The following LARP4B variants were observed in gnomAD, a reference collection of about 807,000 sequenced individuals.
LARP4B encodes la-related protein 4B.
LARP4B carries 12 observed loss-of-function variants against 89.8 expected under a neutral mutation model. The ratio of observed to expected loss-of-function variants is 0.13; its 90% confidence interval spans 0.09 to 0.22. The LOEUF (loss-of-function observed/expected upper bound fraction) is 0.22. LARP4B is among the 10% of genes least tolerant of loss of function. The pLI is 1.00. For missense variants in LARP4B, 757 were observed against 947.7 expected (o/e 0.80, Z 2.64); for synonymous variants, 367 against 363.3 (o/e 1.01, Z -0.12).
At chr10:977,142 A>T in the LARP4B span, among the ~76,000 whole-genome samples, 1 of 151,850 alleles carries the variant, frequency 6.6e-6, no homozygotes, top group Non-Finnish European at 1.5e-5. Context: ...AATTTATTTT[A>T]TTTATTTATT....
chr10:850,825 A>G (rs1416065825), intron 5 of LARP4B, among the ~76,000 whole-genome samples: 4 of 152,200 alleles, frequency 2.6e-5, no homozygotes, highest in Admixed American at 2.6e-4. Flanking sequence ...ATCCCTGGAA[A>G]ACCCCCAAAT....
chr10:847,262 C>T (rs1054692483), intron 5 of LARP4B, among the ~76,000 whole-genome samples: 8 of 152,080 alleles, frequency 5.3e-5, no homozygotes, highest in African/African-American at 1.7e-4. Context: ...ATGCAAGAAA[C>T]ACCCGGCACT....
chr10:864,678 G>A (rs890316734), intron 3 of LARP4B, among the ~76,000 whole-genome samples: 3 of 152,238 alleles, frequency 2.0e-5, no homozygotes, highest in African/African-American at 7.2e-5. Context: ...AGTCAGCAGG[G>A]CGCGGCGGCT....
chr10:900,084 G>A (rs1267930307), intron 1 of LARP4B, among the ~76,000 whole-genome samples: 1 of 151,986 alleles, frequency 6.6e-6, no homozygotes, highest in Non-Finnish European at 1.5e-5. Context: ...AGTGGCTCAC[G>A]CCTATAATCC....
chr10:981,005 C>T, the LARP4B span, among the ~76,000 whole-genome samples: 1 of 152,228 alleles, frequency 6.6e-6, no homozygotes, highest in Non-Finnish European at 1.5e-5. Flanking sequence ...TTAGAATTAG[C>T]CAGGCTATCT....
chr10:843,591 C>A (rs756860632), intron 6 of LARP4B, among the ~76,000 whole-genome samples: 1 of 151,872 alleles, frequency 6.6e-6, no homozygotes, highest in African/African-American at 2.4e-5. Flanking sequence ...CCCAGCTACT[C>A]GGGAGGCTCA....
intron 3 of LARP4B, chr10:869,945 ATAATAAATT>A: frequency 5.5e-6 from 1 of 183,160 alleles, no homozygotes. Context: ...AATAATAATA[ATAATAAATT>A]AAAATGTATA....
In LARP4B at chr10:825,033, T is replaced by C. The variant is rs186064987; in HGVS notation, c.1484+32A>G. ...AAATAATTTTTAAAATATTAGTTTA[T>C]GATGTTACACAGTAACTGCTCAACA... On this transcript the variant is annotated intron_variant, in intron 13 of 17. Transcript: ENST00000316157. 7.3e-5 allele frequency: 115 copies of C among 1,565,048 alleles called. No homozygotes were observed. The African/African-American group carries it at 1.3e-3, about 18-fold the overall frequency.
chr10:821,363 A>G (rs1832342420), intron 13 of LARP4B, among the ~76,000 whole-genome samples: 1 of 152,100 alleles, frequency 6.6e-6, no homozygotes, highest in East Asian at 1.9e-4. Flanking sequence ...CCACACAAGG[A>G]CCTCTGTGCC....
At chr10:856,513 C>T (rs1050703792) in intron 5 of LARP4B, among the ~76,000 whole-genome samples, 3 of 152,156 alleles carry the variant, frequency 2.0e-5, no homozygotes, top group East Asian at 1.9e-4. Flanking sequence ...AATAGAGAAG[C>T]GATCACAACA....
At chr10:884,679 C>G (rs1282072215) in intron 2 of LARP4B, among the ~76,000 whole-genome samples, 173 bp from the exon 3 acceptor site, 1 of 151,974 alleles carries the variant, frequency 6.6e-6, no homozygotes, top group Non-Finnish European at 1.5e-5. Context: ...TTTTTAAATT[C>G]TGAATGAACA....
chr10:844,351 C>T (rs576279959), intron 6 of LARP4B, among the ~76,000 whole-genome samples: 3 of 152,314 alleles, frequency 2.0e-5, no homozygotes, highest in South Asian at 2.1e-4. Flanking sequence ...CAGCAGAGCC[C>T]CTCACACCTC....
At chr10:897,981 C>A (rs1268848083) in intron 1 of LARP4B, among the ~76,000 whole-genome samples, 1 of 119,326 alleles carries the variant, frequency 8.4e-6, no homozygotes, top group African/African-American at 3.3e-5. Context: ...AAGCGAGGCT[C>A]CATCTCAAAA....
intron 13 of LARP4B, 143 bp downstream of exon 13, chr10:824,922 G>A: frequency 1.3e-6 from 1 of 792,386 alleles, no homozygotes. Context: ...TTAAGTCTTA[G>A]CAATTATATA....
At chr10:883,549 TA>T (rs1182031206) in intron 3 of LARP4B, among the ~76,000 whole-genome samples, 2 of 151,856 alleles carry the variant, frequency 1.3e-5, no homozygotes, top group Non-Finnish European at 2.9e-5. Context: ...AAAATCAATG[TA>T]AAACAGAATA....
intron 13 of LARP4B, among the ~76,000 whole-genome samples, chr10:824,228 C>T (rs555725130): frequency 4.1e-4 from 62 of 152,320 alleles, no homozygotes; most frequent in African/African-American, 1.5e-3. Flanking sequence ...TGCGGTGGCT[C>T]ATGCCTGTAA....
chr10:929,248 AC>A (rs1350721543), intron 1 of LARP4B, among the ~76,000 whole-genome samples: 1 of 152,182 alleles, frequency 6.6e-6, no homozygotes, highest in Non-Finnish European at 1.5e-5. Context: ...AAAAACAAAA[AC>A]AAAAACAAAA....
At chr10:861,186 G>C (rs763205032) in intron 5 of LARP4B, among the ~76,000 whole-genome samples, 1 of 152,126 alleles carries the variant, frequency 6.6e-6, no homozygotes, top group African/African-American at 2.4e-5. Context: ...CCGGTTCCAC[G>C]GAGAAAGGAG....
the LARP4B span, among the ~76,000 whole-genome samples, chr10:978,325 T>C: frequency 6.6e-6 from 1 of 152,192 alleles, no homozygotes; most frequent in Non-Finnish European, 1.5e-5. Context: ...GTAAGTCAAT[T>C]TTCGCATTCT....
Sources: allele counts gnomAD v4.1 joint callset (sites outside exome capture counted in the v4.1 genomes callset), GRCh38; gene constraint gnomAD v4.1.1; transcripts MANE v1.5; gene names NCBI Gene and HGNC (gene_info 2026-07-23, HGNC 2026-07-21).